Variants in SPSB4 observed in about 807,000 individuals in gnomAD.
SPSB4 encodes SPRY domain-containing SOCS box protein 4.
In SPSB4, 21 loss-of-function variants were observed where a neutral mutation model predicts 20.9. That is an observed-to-expected ratio of 1.01 (90% CI 0.71 to 1.45). The LOEUF is 1.45. SPSB4 is among the 40% of genes most tolerant of loss of function. The pLI is 0.00. For missense variants in SPSB4, 399 were observed against 399.2 expected (o/e 1.00, Z 0.00); for synonymous variants, 207 against 183.8 (o/e 1.13, Z -1.02).
intron 2 of SPSB4, chr3:141,080,164 T>C (rs1938201637): frequency 6.6e-6 from 1 of 152,222 alleles, no homozygotes. Context: ...GATATGGCCA[T>C]TTGCATTTTA....
intron 2 of SPSB4, among the ~76,000 whole-genome samples, chr3:141,129,507 T>C (rs575137018): frequency 3.0e-4 from 45 of 152,244 alleles, no homozygotes; most frequent in Non-Finnish European, 4.9e-4. Flanking sequence ...ACCTGCTTCC[T>C]GTCTTCCTGG....
chr3:141,066,774 A>T lies in SPSB4; in HGVS notation c.670A>T (p.Met224Leu). 6.4e-7 allele frequency: 1 copy of T among 1,563,528 alleles called. No individual in the cohort carries two copies. The highest frequency in any genetic ancestry group is 8.7e-7 in the Non-Finnish European group (1 of 1,151,560). ...CGTGTGGGGCCACTGTGAAGTCACC[A>T]TGCGCTACATCAACGGCCTTGACCG... ...SAVWGHCEVT[M>L]RYINGLDPEP... The change falls in exon 2 of 3, where the codon ATG becomes TTG. Residue 224 changes from methionine to leucine, a missense_variant. Met to Leu is a conservative substitution (Grantham distance 15, BLOSUM62 2). Transcript: ENST00000310546.
chr3:141,070,891 G>A (rs527313978), intron 2 of SPSB4, among the ~76,000 whole-genome samples: 1 of 152,340 alleles, frequency 6.6e-6, no homozygotes, highest in African/African-American at 2.4e-5. Flanking sequence ...GGCAGGGAGA[G>A]AATGCGCAGG....
At chr3:141,101,671 T>C (rs1938614314) in intron 2 of SPSB4, among the ~76,000 whole-genome samples, 1 of 152,188 alleles carries the variant, frequency 6.6e-6, no homozygotes, top group Non-Finnish European at 1.5e-5. Context: ...ATCAGATGGC[T>C]CTTATTATTA....
intron 2 of SPSB4, among the ~76,000 whole-genome samples, chr3:141,081,197 T>G (rs1235830321): frequency 1.3e-5 from 2 of 152,232 alleles, no homozygotes; most frequent in Non-Finnish European, 2.9e-5. Flanking sequence ...GGTCGTTTAA[T>G]TAAAATCAAA....
intron 2 of SPSB4, among the ~76,000 whole-genome samples, chr3:141,142,021 A>G (rs1939337577): frequency 1.3e-5 from 2 of 151,344 alleles, no homozygotes; most frequent in South Asian, 4.2e-4. Flanking sequence ...TATCTTTTGT[A>G]TTTTTTGTTT....
intron 2 of SPSB4, among the ~76,000 whole-genome samples, chr3:141,105,048 A>T (rs1449422840): frequency 1.3e-5 from 2 of 152,204 alleles, no homozygotes; most frequent in Non-Finnish European, 2.9e-5. Flanking sequence ...CACAAGGCGG[A>T]TGGAGTCAGA....
chr3:141,143,578 G>C (rs549500263), intron 2 of SPSB4, among the ~76,000 whole-genome samples: 17 of 152,336 alleles, frequency 1.1e-4, no homozygotes, highest in African/African-American at 4.1e-4. Flanking sequence ...TAGTGTGCTG[G>C]CTTTCTCTAA....
chr3:141,082,050 GCACA>G (rs549362173), intron 2 of SPSB4, among the ~76,000 whole-genome samples: 1 of 152,128 alleles, frequency 6.6e-6, no homozygotes, highest in African/African-American at 2.4e-5. Context: ...CGCATGGGGA[GCACA>G]CGTCTTTCTC....
At chr3:141,132,293 G>A (rs563919327) in intron 2 of SPSB4, 10 of 367,846 alleles carry the variant, frequency 2.7e-5, no homozygotes, top group African/African-American at 9.1e-5. Context: ...TCAGCTTCCC[G>A]AGTAGCTGGG....
intron 2 of SPSB4, among the ~76,000 whole-genome samples, chr3:141,123,651 G>A (rs979961354): frequency 3.9e-5 from 6 of 152,204 alleles, no homozygotes; most frequent in Non-Finnish European, 8.8e-5. Context: ...AGCACCAACT[G>A]TCTCTGCAAG....
At chr3:141,146,696 C>T (rs1473946664) in intron 2 of SPSB4, among the ~76,000 whole-genome samples, 3 of 151,660 alleles carry the variant, frequency 2.0e-5, no homozygotes, top group Non-Finnish European at 4.4e-5. Flanking sequence ...ATGGCGTGAA[C>T]CCAGGAGGCG....
At chr3:141,069,200 G>A (rs902815424) in intron 2 of SPSB4, among the ~76,000 whole-genome samples, 14 of 152,198 alleles carry the variant, frequency 9.2e-5, no homozygotes, top group Non-Finnish European at 1.6e-4. Flanking sequence ...CTGCAGAAAA[G>A]GGAAGCTCAG....
chr3:141,095,423 C>T (rs1938532108), intron 2 of SPSB4, among the ~76,000 whole-genome samples: 1 of 152,160 alleles, frequency 6.6e-6, no homozygotes, highest in Non-Finnish European at 1.5e-5. Flanking sequence ...GCAGAACAGA[C>T]TTATTCATTC....
At chr3:141,068,067 C>A (rs1250616387) in intron 2 of SPSB4, among the ~76,000 whole-genome samples, 1 of 152,154 alleles carries the variant, frequency 6.6e-6, no homozygotes, top group Non-Finnish European at 1.5e-5. Context: ...AGTAACACTT[C>A]TCCAGAAAAG....
intron 2 of SPSB4, among the ~76,000 whole-genome samples, chr3:141,093,772 G>A (rs1339324704): frequency 1.3e-5 from 2 of 152,182 alleles, no homozygotes; most frequent in East Asian, 3.8e-4. Context: ...AGAAGCCAGG[G>A]GTCCTCACCA....
At chr3:141,106,923 G>A (rs150416858) in intron 2 of SPSB4, among the ~76,000 whole-genome samples, 1 of 152,254 alleles carries the variant, frequency 6.6e-6, no homozygotes, top group Non-Finnish European at 1.5e-5. Flanking sequence ...CTCTGTATGG[G>A]GTCATCTTTC....
rs1939430437 is a variant in SPSB4 at position 141,147,342 on chromosome 3, T to C, written c.*73T>C. 4 of 1,596,590 alleles carry C rather than the reference T, an allele frequency of 2.5e-6. No homozygotes were observed. The Admixed American group carries it at 5.0e-5, about 20-fold the overall frequency. On this transcript the variant is annotated 3_prime_UTR_variant, in exon 3 of 3. Coordinates refer to ENST00000310546, the MANE Select transcript of SPSB4 (RefSeq NM_080862.3). ...GACCCTCCTGTCATTCACAGTCCCA[T>C]GGCACATAGGGGAAAGGATCTACCC...
chr3:141,060,283 CTT>C (rs987253162), intron 1 of SPSB4, among the ~76,000 whole-genome samples: 2 of 152,178 alleles, frequency 1.3e-5, no homozygotes, highest in Admixed American at 1.3e-4. Flanking sequence ...GTTTAAGTGT[CTT>C]TTCAGCAACA....
Sources: allele counts gnomAD v4.1 joint callset (sites outside exome capture counted in the v4.1 genomes callset), GRCh38; gene constraint gnomAD v4.1.1; transcripts MANE v1.5; gene names NCBI Gene and HGNC (gene_info 2026-07-23, HGNC 2026-07-21).